POLR1F: variants seen among roughly 807,000 people sequenced by gnomAD.
The protein encoded by POLR1F is DNA-directed RNA polymerase I subunit RPA43.
Under a neutral mutation model 21.8 loss-of-function variants are expected in POLR1F, and 23 were observed. The observed-to-expected ratio is 1.05, with a 90% CI of 0.76 to 1.49. The LOEUF (loss-of-function observed/expected upper bound fraction) is 1.49, where lower values mean the gene tolerates loss of function less well. Among genes scored for constraint, POLR1F ranks in the 40% most tolerant of loss-of-function variants. POLR1F has a pLI of 0.00. For synonymous variants in POLR1F, 162 were observed against 152.8 expected (o/e 1.06, Z -0.45); for missense variants, 435 against 412.1 (o/e 1.06, Z -0.48).
intron 2 of POLR1F, among the ~76,000 whole-genome samples, chr7:19,702,186 G>A (rs1038423411): frequency 6.6e-6 from 1 of 152,124 alleles, no homozygotes; most frequent in Admixed American, 6.5e-5. Flanking sequence ...GGTAACAAAT[G>A]CACCATACTA....
At chr7:19,701,357 G>T (rs1018304919) in intron 2 of POLR1F, among the ~76,000 whole-genome samples, 2 of 152,164 alleles carry the variant, frequency 1.3e-5, no homozygotes, top group African/African-American at 4.8e-5. Flanking sequence ...AAGATCAGTG[G>T]TTGCCAGGGA....
intron 2 of POLR1F, among the ~76,000 whole-genome samples, chr7:19,704,240 G>A (rs989273276): frequency 3.9e-5 from 6 of 152,188 alleles, no homozygotes; most frequent in African/African-American, 1.4e-4. Flanking sequence ...TGGAGGAAGA[G>A]AGGAGAAAGT....
In POLR1F at chr7:19,704,815, A is replaced by G. The variant is rs1562596509; in HGVS notation, c.360T>C (p.Phe120=). The change falls in exon 2 of 4, where the codon TTT becomes TTC. Residue 120 remains phenylalanine (F), a synonymous_variant. Coordinates refer to ENST00000222567, the MANE Select transcript of POLR1F (RefSeq NM_001002926.2). ...GHIHLNIEAD[F]VIFCPEPGQK... Reference sequence around the variant, plus strand: ...GCCCTGGTTCAGGGCAGAAAATAACAAAATCGGCTTCAATGTTAAGATGAA... The same window carrying G: ...GCCCTGGTTCAGGGCAGAAAATAACGAAATCGGCTTCAATGTTAAGATGAA... The G allele has an allele frequency of 6.2e-6, 10 of 1,608,240 alleles. No individual in the cohort carries two copies. The highest frequency in any genetic ancestry group is 8.5e-6 in the Non-Finnish European group (10 of 1,178,298).
intron 1 of POLR1F, among the ~76,000 whole-genome samples, chr7:19,706,387 C>G (rs1022505443): frequency 1.3e-5 from 2 of 152,184 alleles, no homozygotes; most frequent in African/African-American, 2.4e-5. Context: ...TTTATTTCCG[C>G]TAATCAAAGC....
rs1472984543 is a variant in POLR1F at position 19,704,827 on chromosome 7, A to C, written c.348T>G (p.Ile116Met). 6.2e-7 allele frequency: 1 copy of C among 1,608,882 alleles called. No individual in the cohort carries two copies. Residue 116 changes from isoleucine to methionine, a missense_variant, in exon 2 of 4, where the codon ATT becomes ATG. Transcript: ENST00000222567. ...GGCAGAAAATAACAAAATCGGCTTC[A>C]ATGTTAAGATGAATGTGTCCTTGAT... ...YDDQGHIHLN[I>M]EADFVIFCPE...
At chr7:19,704,309 T>C (rs962366251) in intron 2 of POLR1F, among the ~76,000 whole-genome samples, 2 of 152,166 alleles carry the variant, frequency 1.3e-5, no homozygotes, top group African/African-American at 4.8e-5. Flanking sequence ...ATTTCCAGCT[T>C]ATGAAAAACT....
rs764061836 is a variant in POLR1F at position 19,708,962 on chromosome 7, G to A, written c.55C>T (p.Leu19=). 6.2e-7 allele frequency: 1 copy of A among 1,607,154 alleles called. No homozygotes were observed. The highest frequency in any genetic ancestry group is 8.5e-7 in the Non-Finnish European group (1 of 1,175,832). ...GGCAGGACGCCAGCCTGCCCTACCA[G>A]AGACCCATCAGAAGCCGCCGCTGGC... is the stretch of plus-strand genomic sequence containing the variant. ...PRPAAASDGS[L]VGQAGVLPCL... Residue 19 remains leucine, a synonymous_variant, in exon 1 of 4, where the codon CTG becomes TTG. Coordinates refer to ENST00000222567, the MANE Select transcript of POLR1F (RefSeq NM_001002926.2).
chr7:19,698,296 T>A lies in POLR1F; in HGVS notation c.*20A>T. The A allele has an allele frequency of 6.5e-7, 1 of 1,529,746 alleles. No individual in the cohort carries two copies. The highest frequency in any genetic ancestry group is 8.7e-7 in the Non-Finnish European group (1 of 1,146,666). The allele number at this position is 1,529,746 out of a possible 1,614,324, so 94.8% of individuals were successfully genotyped here. A position where few individuals can be genotyped will look rare whatever the true frequency, so the allele number is the denominator to read the frequency against. On this transcript the variant is annotated 3_prime_UTR_variant, in exon 4 of 4. Coordinates refer to ENST00000222567, the MANE Select transcript of POLR1F (RefSeq NM_001002926.2). ...GTATGTAGATCGATCTTTTAAAAAC[T>A]GAATCGTGTTTAAAATACACTAAAG...
rs1783367697 is a variant in POLR1F at position 19,696,564 on chromosome 7, T to TA, written c.*1751dup. Reference sequence around the variant, plus strand: ...AATTTTAAAATGTGAAGGGAACACTTACTAAGCATTTCCTGGGTATGCCAC... The same window carrying TA: ...AATTTTAAAATGTGAAGGGAACACTTAACTAAGCATTTCCTGGGTATGCCAC... On this transcript the variant is annotated 3_prime_UTR_variant, in exon 4 of 4. Transcript: ENST00000222567. The TA allele has an allele frequency of 6.6e-6, 1 of 152,072 alleles. No individual in the cohort carries two copies. Among genetic ancestry groups the TA allele is most frequent in the Non-Finnish European group, 1.5e-5 (1 of 67,916 alleles). 9.4% of individuals were successfully genotyped at this position (152,072 alleles called of 1,614,324 possible).
chr7:19,701,785 T>C (rs980660294), intron 2 of POLR1F, among the ~76,000 whole-genome samples: 2 of 152,144 alleles, frequency 1.3e-5, no homozygotes, highest in African/African-American at 4.8e-5. Flanking sequence ...GCTTTAATCA[T>C]TCATAGAACT....
chr7:19,700,883 G>C (rs901799504), intron 2 of POLR1F, among the ~76,000 whole-genome samples: 6 of 152,144 alleles, frequency 3.9e-5, no homozygotes, highest in African/African-American at 1.4e-4. Flanking sequence ...AGTATTATTA[G>C]AAGCTTTAAA....
At position 19,704,906 on chromosome 7, in the gene POLR1F, G is replaced by A; in HGVS notation, c.269C>T (p.Pro90Leu). The change falls in exon 2 of 4, where the codon CCT becomes CTT. Residue 90 changes from proline (P) to leucine (L), a missense_variant. By Grantham distance (98) the Pro-to-Leu change is moderately conservative (BLOSUM62 -3). Transcript: ENST00000222567. ...LRYSESLLGV[P>L]IAYDNIKVVG... is the part of the protein sequence containing the mutation. ...AACTTTGATGTTATCATATGCAATA[G>A]GGACACCTAAAAGGCTGTAAAAAGA... The A allele has an allele frequency of 6.3e-7, 1 of 1,586,210 alleles. No individual in the cohort carries two copies. The highest frequency in any genetic ancestry group is 8.5e-7 in the Non-Finnish European group (1 of 1,171,750).
At position 19,698,633 on chromosome 7, in the gene POLR1F, CTTTCTTCTT is replaced by C. The variant is rs1189220135; in HGVS notation, c.691_699del (p.Lys231_Lys233del). ...CTGTCCACTTCATATGTCTCTGGGT[CTTTCTTCTT>C]TTTCTTCTTTTTAGGTTTTTTAGCA... On this transcript the variant is annotated inframe_deletion, in exon 4 of 4. Transcript: ENST00000222567. 6.2e-6 allele frequency: 10 copies of C among 1,600,076 alleles called. No individual in the cohort carries two copies. The highest frequency in any genetic ancestry group is 2.7e-5 in the African/African-American group (2 of 73,876).
chr7:19,705,040 T>C (rs1464681988), intron 1 of POLR1F, 120 bp from the exon 2 acceptor site: 12 of 987,344 alleles, frequency 1.2e-5, no homozygotes, highest in Non-Finnish European at 1.6e-5. Context: ...CAGGGCTCAC[T>C]GCAGCCTCGA....
Position 19,698,261 on chromosome 7 carries a change from T to C in POLR1F, c.*55A>G. ...CTTTTCATATCACTGAAAACATTTA[T>C]TCATCTATTGTATGTAGATCGATCT... On this transcript the variant is annotated 3_prime_UTR_variant, in exon 4 of 4. Coordinates refer to ENST00000222567, the MANE Select transcript of POLR1F (RefSeq NM_001002926.2). 3 of 1,418,546 alleles carry C rather than the reference T, an allele frequency of 2.1e-6. No individual in the cohort carries two copies. Among genetic ancestry groups the C allele is most frequent in the South Asian group, 3.5e-5 (2 of 57,174 alleles). 87.9% of individuals were successfully genotyped at this position (1,418,546 alleles called of 1,614,324 possible). A position where few individuals can be genotyped will look rare whatever the true frequency, so the allele number is the denominator to read the frequency against.
Position 19,704,799 on chromosome 7 carries a change from C to A in POLR1F, c.376G>T (p.Glu126Ter). ...IEADFVIFCP[E>*]PGQKLMGIVN... ...CATACCATAAGCTTCTGCCCTGGTT[C>A]AGGGCAGAAAATAACAAAATCGGCT... Residue 126 changes from glutamate to a stop codon, truncating the protein, a stop_gained, in exon 2 of 4, where the codon GAA (glutamate) becomes TAA (stop). Transcript: ENST00000222567. LOFTEE classifies it high-confidence loss of function. 6.2e-7 allele frequency: 1 copy of A among 1,604,496 alleles called. No homozygotes were observed. Among genetic ancestry groups the A allele is most frequent in the South Asian group, 1.1e-5 (1 of 88,030 alleles).
intron 1 of POLR1F, among the ~76,000 whole-genome samples, chr7:19,706,762 G>A (rs923114092): frequency 2.6e-5 from 4 of 152,184 alleles, no homozygotes; most frequent in Non-Finnish European, 5.9e-5. Flanking sequence ...TGTGAACACA[G>A]GCACCCAACA....
At chr7:19,698,805 C>A in intron 3 of POLR1F, 78 bp from the exon 4 acceptor site, 1 of 1,235,006 alleles carries the variant, frequency 8.1e-7, no homozygotes, top group South Asian at 1.7e-5. Context: ...GATATCCCAA[C>A]AGGCTAAGAT....
rs1021215930 is a variant in POLR1F at position 19,705,047 on chromosome 7, T to A, written c.255-127A>T. On this transcript the variant is annotated intron_variant, in intron 1 of 3. Transcript: ENST00000222567. ...GACATCAACAGGGCTCACTGCAGCC[T>A]CGACCTCCTGGGCTCAATTGATCCT... 3.3e-6 allele frequency: 3 copies of A among 897,066 alleles called. No individual in the cohort carries two copies. In the African/African-American group the frequency reaches 5.2e-5, roughly 16 times the overall value. The allele number at this position is 897,066 out of a possible 1,614,324, so 55.6% of individuals were successfully genotyped here. A position where few individuals can be genotyped will look rare whatever the true frequency, so the allele number is the denominator to read the frequency against.
Sources: allele counts gnomAD v4.1 joint callset (sites outside exome capture counted in the v4.1 genomes callset), GRCh38; gene constraint gnomAD v4.1.1; transcripts MANE v1.5; gene names NCBI Gene and HGNC (gene_info 2026-07-23, HGNC 2026-07-21).